ANGPT1: variants seen among roughly 807,000 people sequenced by gnomAD.
ANGPT1 encodes the protein angiopoietin 1.
A neutral mutation model predicts 62.2 loss-of-function variants in ANGPT1; 17 were observed. That is an observed-to-expected ratio of 0.27 (90% CI 0.19 to 0.41). The LOEUF is 0.41. Ranked by LOEUF, ANGPT1 falls within the 10% of genes least tolerant of loss-of-function variation. ANGPT1 has a pLI of 1.00. For missense variants in ANGPT1, 478 were observed against 594.9 expected (o/e 0.80, Z 2.04); for synonymous variants, 199 against 198.9 (o/e 1.00, Z 0.00).
At chr8:107,471,422 G>C (rs1468800252) in intron 1 of ANGPT1, among the ~76,000 whole-genome samples, 4 of 152,010 alleles carry the variant, frequency 2.6e-5, no homozygotes, top group Admixed American at 6.6e-5. Context: ...GGGGACTAGG[G>C]GAGGGATAGC....
At chr8:107,300,335 C>T (rs979999884) in intron 5 of ANGPT1, among the ~76,000 whole-genome samples, 7 of 151,406 alleles carry the variant, frequency 4.6e-5, no homozygotes, top group Admixed American at 3.3e-4. Context: ...GGATTAAACA[C>T]TAAATTTTTT....
In ANGPT1 at chr8:107,495,272, G is replaced by A. The variant is rs150324950; in HGVS notation, c.297+1990C>T. Among the ~76,000 whole-genome samples the A allele has an allele frequency of 2.6e-5, 4 of 152,308 alleles. No individual in the cohort carries two copies. In the East Asian group the frequency reaches 7.7e-4, roughly 29 times the overall value. ...ACTCATACCAATAGGGACGTTTTCA[G>A]CATATATTCAGCTTGATTTTTACAC... On this transcript the variant is annotated intron_variant, in intron 1 of 8. Transcript: ENST00000517746.
chr8:107,396,713 G>C (rs1336598686), intron 1 of ANGPT1, among the ~76,000 whole-genome samples: 9 of 151,710 alleles, frequency 5.9e-5, no homozygotes, highest in Non-Finnish European at 1.3e-4. Context: ...TGTAAAGACA[G>C]GGTCTTGCTA....
chr8:107,333,311 T>C (rs1286317722), intron 3 of ANGPT1, among the ~76,000 whole-genome samples: 1 of 151,982 alleles, frequency 6.6e-6, no homozygotes, highest in Non-Finnish European at 1.5e-5. Flanking sequence ...TAGAAATTGA[T>C]AGAAAAATAC....
intron 1 of ANGPT1, among the ~76,000 whole-genome samples, chr8:107,448,163 G>A (rs1811668140): frequency 6.6e-6 from 1 of 152,152 alleles, no homozygotes; most frequent in Non-Finnish European, 1.5e-5. Flanking sequence ...TTAATGTCAA[G>A]TTTTAATAAG....
intron 1 of ANGPT1, among the ~76,000 whole-genome samples, chr8:107,483,852 A>G (rs1312148500): frequency 1.3e-5 from 2 of 152,222 alleles, no homozygotes; most frequent in African/African-American, 4.8e-5. Flanking sequence ...AACTAAGGCA[A>G]TTTGTCTAAG....
chr8:107,387,877 G>T (rs1436661735), intron 1 of ANGPT1, among the ~76,000 whole-genome samples: 1 of 151,746 alleles, frequency 6.6e-6, no homozygotes, highest in East Asian at 1.9e-4. Context: ...AAATTTCTTT[G>T]AAGTAAATAA....
intron 1 of ANGPT1, among the ~76,000 whole-genome samples, chr8:107,451,823 T>C (rs1232970643): frequency 6.6e-6 from 1 of 151,940 alleles, no homozygotes. Flanking sequence ...TTCTTAAATG[T>C]TTATGTTCAT....
chr8:107,317,967 C>T (rs1343088326), intron 4 of ANGPT1, among the ~76,000 whole-genome samples: 1 of 152,122 alleles, frequency 6.6e-6, no homozygotes, highest in Non-Finnish European at 1.5e-5. Context: ...TAACTGATTA[C>T]TCTCCCCTGA....
In ANGPT1 at chr8:107,497,333, G is replaced by T; in HGVS notation, c.226C>A (p.Pro76Thr). The T allele has an allele frequency of 6.2e-7, 1 of 1,614,168 alleles. No homozygotes were observed. The highest frequency in any genetic ancestry group is 8.5e-7 in the Non-Finnish European group (1 of 1,180,020). The change falls in exon 1 of 9, where the codon CCG becomes ACG. Residue 76 changes from proline (P) to threonine (T), a missense_variant. By Grantham distance (38) the Pro-to-Thr change is conservative. Around this residue, in one of 4 missense-constraint regions of ANGPT1, gnomAD observed 343 missense variants for 355.4 expected, o/e 0.97. Coordinates refer to ENST00000517746, the MANE Select transcript of ANGPT1 (RefSeq NM_001146.5). ...TGAAGTTTCTGGGAAGAGAAATCCGGTTCCACGTGTGGAGCATCTCTCTGC... is the reference window on the plus strand; with the variant it reads ...TGAAGTTTCTGGGAAGAGAAATCCGTTTCCACGTGTGGAGCATCTCTCTGC... Reference protein sequence around the residue: ...ALQRDAPHVEPDFSSQKLQHL... With the variant: ...ALQRDAPHVETDFSSQKLQHL...
At chr8:107,365,982 C>T (rs982735197) in intron 1 of ANGPT1, among the ~76,000 whole-genome samples, 1 of 152,046 alleles carries the variant, frequency 6.6e-6, no homozygotes. Context: ...AGGTCTCTGA[C>T]CCTCTGATAT....
At chr8:107,389,950 AT>A (rs1292482285) in intron 1 of ANGPT1, among the ~76,000 whole-genome samples, 1 of 121,468 alleles carries the variant, frequency 8.2e-6, no homozygotes, top group Non-Finnish European at 1.8e-5. Context: ...AAAAAAAAAA[AT>A]CATGCTGCAG....
intron 1 of ANGPT1, among the ~76,000 whole-genome samples, chr8:107,367,418 C>T (rs1197433339): frequency 6.6e-6 from 1 of 152,160 alleles, no homozygotes; most frequent in Admixed American, 6.6e-5. Context: ...TTGATGACTG[C>T]TGACTGATCA....
chr8:107,311,969 CAGG>C (rs1814878247), intron 4 of ANGPT1, among the ~76,000 whole-genome samples: 2 of 149,450 alleles, frequency 1.3e-5, no homozygotes, highest in South Asian at 4.2e-4. Flanking sequence ...GAGGCTGAGG[CAGG>C]AGAATGGAGT....
intron 1 of ANGPT1, among the ~76,000 whole-genome samples, chr8:107,374,141 G>A (rs1230919269): frequency 1.3e-5 from 2 of 152,088 alleles, no homozygotes; most frequent in Admixed American, 1.3e-4. Flanking sequence ...TCATAAAAAG[G>A]GCTTGCCAAC....
intron 1 of ANGPT1, among the ~76,000 whole-genome samples, chr8:107,371,429 A>G (rs1345841182): frequency 2.0e-5 from 3 of 152,162 alleles, no homozygotes; most frequent in Non-Finnish European, 4.4e-5. Flanking sequence ...GTTGAACCAG[A>G]AAAAAGAAGA....
At position 107,322,175 on chromosome 8, in the gene ANGPT1, A is replaced by C. The variant is rs1815169961; in HGVS notation, c.576-47T>G. ...ACTTAGATTTGAAAAAATGTTATAC[A>C]AAAAAACCCTTATAATTCAATTGGT... On this transcript the variant is annotated intron_variant, in intron 3 of 8. Coordinates refer to ENST00000517746, the MANE Select transcript of ANGPT1 (RefSeq NM_001146.5). 4.4e-6 allele frequency: 6 copies of C among 1,355,932 alleles called. No homozygotes were observed. In the East Asian group the frequency reaches 1.4e-4, roughly 33 times the overall value. The allele number at this position is 1,355,932 out of a possible 1,614,324, so 84.0% of individuals were successfully genotyped here.
In ANGPT1 at chr8:107,497,461, T is replaced by C; in HGVS notation, c.98A>G (p.Tyr33Cys). Reference sequence around the variant, plus strand: ...ACATTGCCCATGTTGAATCCGGTTATATCTTCTCCCACTGTTTTCTGGACT... The same window carrying C: ...ACATTGCCCATGTTGAATCCGGTTACATCTTCTCCCACTGTTTTCTGGACT... The part of the protein sequence containing the change: ...RRSPENSGRR[Y>C]NRIQHGQCAY... The change falls in exon 1 of 9, where the codon TAT (tyrosine) becomes TGT (cysteine). Residue 33 changes from tyrosine to cysteine, a missense_variant. Around this residue, in one of 4 missense-constraint regions of ANGPT1, gnomAD observed 343 missense variants for 355.4 expected, o/e 0.97. Transcript: ENST00000517746. The C allele has an allele frequency of 6.2e-7, 1 of 1,614,216 alleles. No individual in the cohort carries two copies. Among genetic ancestry groups the C allele is most frequent in the Non-Finnish European group, 8.5e-7 (1 of 1,180,036 alleles).
intron 4 of ANGPT1, among the ~76,000 whole-genome samples, chr8:107,309,514 A>G (rs1363971504): frequency 6.6e-6 from 1 of 152,236 alleles, no homozygotes; most frequent in Non-Finnish European, 1.5e-5. Context: ...ATTCAAAAGA[A>G]TCTTTAAAAG....
Sources: gnomAD v4.1 joint callset for allele counts (sites outside exome capture counted in the v4.1 genomes callset) on GRCh38, gnomAD v4.1.1 for gene constraint, gnomAD v4.1.1 regional missense constraint, MANE v1.5 for transcripts, NCBI Gene and HGNC (gene_info 2026-07-23, HGNC 2026-07-21) for gene names.